SOAT2: variants seen among roughly 807,000 people sequenced by gnomAD.
SOAT2 encodes ACAT-2.
A neutral mutation model predicts 76.0 loss-of-function variants in SOAT2; 87 were observed. The observed-to-expected ratio is 1.14, with a 90% confidence interval of 0.96 to 1.37. SOAT2 has a LOEUF of 1.37. SOAT2 is among the 40% of genes most tolerant of loss of function. SOAT2 has a pLI of 0.00. For missense variants in SOAT2, 686 were observed against 682.1 expected, an observed-to-expected ratio of 1.01 and a Z score of -0.06; for synonymous variants, 285 against 275.4, an observed-to-expected ratio of 1.03 and a Z score of -0.34.
intron 12 of SOAT2, among the ~76,000 whole-genome samples, chr12:53,121,749 C>G (rs1183913547): frequency 1.4e-5 from 2 of 147,968 alleles, no homozygotes; most frequent in East Asian, 2.0e-4. Flanking sequence ...TGATTATATC[C>G]TCATTTTAAA....
In SOAT2 at chr12:53,115,663, C is replaced by A. The variant is rs569901514; in HGVS notation, c.708+9C>A. On this transcript the variant is annotated intron_variant, in intron 6 of 14. Coordinates refer to ENST00000301466, the MANE Select transcript of SOAT2 (RefSeq NM_003578.4). Reference sequence around the variant, plus strand: ...TCCTGGTCTTCGAGCAGGTGAGGGCCGAGCCCTGCTGACGGACAGGAAGGA... The same window carrying A: ...TCCTGGTCTTCGAGCAGGTGAGGGCAGAGCCCTGCTGACGGACAGGAAGGA... 2.0e-4 allele frequency: 306 copies of A among 1,506,464 alleles called. 2 individuals are homozygous for A. The Middle Eastern group carries it at 2.7e-3, about 13-fold the overall frequency. The allele number at this position is 1,506,464 out of a possible 1,614,324, so 93.3% of individuals were successfully genotyped here.
chr12:53,116,985 G>GTTT, intron 7 of SOAT2, among the ~76,000 whole-genome samples: 1 of 145,860 alleles, frequency 6.9e-6, no homozygotes, highest in Non-Finnish European at 1.5e-5. Flanking sequence ...TTGAGATGGA[G>GTTT]TCTTGCCCTG....
chr12:53,121,710 A>G (rs1483799580), intron 12 of SOAT2, among the ~76,000 whole-genome samples: 1 of 151,282 alleles, frequency 6.6e-6, no homozygotes, highest in Non-Finnish European at 1.5e-5. Flanking sequence ...CATACATTTA[A>G]TCAGCACAGT....
rs766172253 is a variant in SOAT2 at position 53,116,100 on chromosome 12, AG to A, written c.714del (p.Arg238SerfsTer3). 4.3e-6 allele frequency: 7 copies of A among 1,614,052 alleles called. No individual in the cohort carries two copies. The Admixed American group carries it at 1.2e-4, about 27-fold the overall frequency. On this transcript the variant is annotated frameshift_variant, in exon 7 of 15. Transcript: ENST00000301466. LOFTEE classifies it high-confidence loss of function. ...CTCCCCTTCCATTCTGCCACAGGTT[AG>A]GTTCCTGATGAAAAGCTACTCCTTC... is the stretch of plus-strand genomic sequence containing the variant. ...SRCVLVFEQV[R>X]FLMKSYSFLR...
chr12:53,107,481 G>T (rs76899586), intron 5 of SOAT2, among the ~76,000 whole-genome samples: 7,181 of 152,176 alleles, frequency 0.047, 231 homozygotes, highest in African/African-American at 0.084. Flanking sequence ...AAGAATGGGG[G>T]AAAATGGAAA....
At chr12:53,119,391 G>A (rs1938155859) in intron 10 of SOAT2, 138 bp downstream of exon 10, 3 of 919,630 alleles carry the variant, frequency 3.3e-6, no homozygotes, top group Admixed American at 5.3e-5. Context: ...TCCTATCAGG[G>A]CCATTGCCAT....
At chr12:53,123,639 C>T in intron 13 of SOAT2, 89 bp from the exon 14 acceptor site, 1 of 1,500,522 alleles carries the variant, frequency 6.7e-7, no homozygotes, top group Non-Finnish European at 9.2e-7. Context: ...CTTCTTGTTC[C>T]ATCTCTTCCC....
At chr12:53,120,677 G>T in intron 10 of SOAT2, 109 bp from the exon 11 acceptor site, 3 of 700,364 alleles carry the variant, frequency 4.3e-6, no homozygotes, top group Non-Finnish European at 7.7e-6. Context: ...TGAATGGTAA[G>T]AGTTGGGGCC....
intron 5 of SOAT2, among the ~76,000 whole-genome samples, chr12:53,113,429 G>A (rs11170423): frequency 0.19 from 28,386 of 152,134 alleles, 3,391 homozygotes; most frequent in African/African-American, 0.35. Flanking sequence ...AGGGTCCCCA[G>A]GAAAAATCTC....
chr12:53,117,745 G>A (rs982284019), intron 7 of SOAT2, among the ~76,000 whole-genome samples: 6 of 152,068 alleles, frequency 3.9e-5, no homozygotes, highest in Admixed American at 2.0e-4. Context: ...GAGGTCCAAT[G>A]CCACCGGCAG....
At position 53,121,383 on chromosome 12, in the gene SOAT2, G is replaced by T. The variant is rs774604061; in HGVS notation, c.1218G>T (p.Val406=). ...VVVHDWLYSY[V]YQDGLRLLGA... ...TCCATGACTGGCTGTACAGCTACGTGTATCAGGATGGGCTGCGGGTATGGG... is the reference window on the plus strand; with the variant it reads ...TCCATGACTGGCTGTACAGCTACGTTTATCAGGATGGGCTGCGGGTATGGG... Residue 406 remains valine (V), a synonymous_variant, in exon 12 of 15, where the codon GTG becomes GTT. Transcript: ENST00000301466. 1.2e-6 allele frequency: 2 copies of T among 1,614,108 alleles called. No individual in the cohort carries two copies. Among genetic ancestry groups the T allele is most frequent in the Admixed American group, 1.7e-5 (1 of 60,022 alleles).
In SOAT2 at chr12:53,105,955, C is replaced by T. The variant is rs749840873; in HGVS notation, c.384C>T (p.Ile128=). 3.1e-6 allele frequency: 5 copies of T among 1,611,740 alleles called. No individual in the cohort carries two copies. The Admixed American group carries it at 5.0e-5, about 16-fold the overall frequency. Residue 128 remains isoleucine (I), a synonymous_variant, in exon 5 of 15, where the codon ATC becomes ATT. Coordinates refer to ENST00000301466, the MANE Select transcript of SOAT2 (RefSeq NM_003578.4). The part of the protein sequence containing the change: ...QHFRTIYHMF[I]AGLCVFIIST... ...TCCGCACCATCTACCACATGTTCATCGCTGGCCTGTGTGTCTTCATCATCA... is the reference window on the plus strand; with the variant it reads ...TCCGCACCATCTACCACATGTTCATTGCTGGCCTGTGTGTCTTCATCATCA...
chr12:53,110,521 T>C (rs1332462632), intron 5 of SOAT2, among the ~76,000 whole-genome samples: 1 of 152,244 alleles, frequency 6.6e-6, no homozygotes, highest in Non-Finnish European at 1.5e-5. Flanking sequence ...CCCTTGACTT[T>C]CTGATTTGTC....
chr12:53,109,851 A>G (rs2121268823), intron 5 of SOAT2, among the ~76,000 whole-genome samples: 1 of 152,358 alleles, frequency 6.6e-6, no homozygotes, highest in Admixed American at 6.5e-5. Context: ...GTTTGACCAT[A>G]AGGTAAGATT....
chr12:53,118,524 TC>T, intron 8 of SOAT2, 90 bp downstream of exon 8: 1 of 909,528 alleles, frequency 1.1e-6, no homozygotes, highest in Non-Finnish European at 1.8e-6. Context: ...CAGGCTCACC[TC>T]AGGCACTGGC....
At chr12:53,107,621 A>ATTTTTTTTTTTTTTT (rs1565625989) in intron 5 of SOAT2, among the ~76,000 whole-genome samples, 19 of 122,322 alleles carry the variant, frequency 1.6e-4, no homozygotes, top group Non-Finnish European at 2.5e-4. Flanking sequence ...CAACAGATGT[A>ATTTTTTTTTTTTTTT]CTTTTTTTTT....
chr12:53,118,714 C>T (rs1938143128), intron 8 of SOAT2, among the ~76,000 whole-genome samples, 176 bp from the exon 9 acceptor site: 1 of 152,096 alleles, frequency 6.6e-6, no homozygotes, highest in African/African-American at 2.4e-5. Context: ...TTAAAACCCA[C>T]TTGTTATCTC....
intron 5 of SOAT2, among the ~76,000 whole-genome samples, chr12:53,107,244 G>C (rs1042894452): frequency 6.6e-6 from 1 of 152,276 alleles, no homozygotes; most frequent in South Asian, 2.1e-4. Context: ...AGAGGGGGTC[G>C]TCGTTATGGG....
Position 53,124,138 on chromosome 12 carries a change from GACGCT to G in SOAT2, c.*18_*22del. 6.2e-7 allele frequency: 1 copy of G among 1,614,008 alleles called. No individual in the cohort carries two copies. The highest frequency in any genetic ancestry group is 8.5e-7 in the Non-Finnish European group (1 of 1,179,886). ...GCCATACCTAGAGGTCGGGACAGAC[GACGCT>G]ACCTGCCCAGACACCACCAAGTTCT... On this transcript the variant is annotated 3_prime_UTR_variant, in exon 15 of 15. Coordinates refer to ENST00000301466, the MANE Select transcript of SOAT2 (RefSeq NM_003578.4).
Sources: allele counts gnomAD v4.1 joint callset (sites outside exome capture counted in the v4.1 genomes callset), GRCh38; gene constraint gnomAD v4.1.1; transcripts MANE v1.5; gene names NCBI Gene and HGNC (gene_info 2026-07-23, HGNC 2026-07-21).